CDH12: variants seen among roughly 807,000 people sequenced by gnomAD.
CDH12 encodes cadherin-12.
Under a neutral mutation model 74.1 loss-of-function variants are expected in CDH12, and 41 were observed. The ratio of observed to expected loss-of-function variants is 0.55; its 90% CI spans 0.43 to 0.72. The LOEUF (loss-of-function observed/expected upper bound fraction) is 0.72. Among genes scored for constraint, CDH12 ranks in the 30% least tolerant of loss-of-function variants. CDH12 has a pLI of 0.00. For missense variants in CDH12, 945 were observed against 977.2 expected (o/e 0.97, Z 0.44); for synonymous variants, 399 against 355.0 (o/e 1.12, Z -1.39).
chr5:22,445,088 A>T (rs1744771239), intron 2 of CDH12, among the ~76,000 whole-genome samples: 2 of 152,264 alleles, frequency 1.3e-5, no homozygotes, highest in South Asian at 4.1e-4. Flanking sequence ...TAAATTAGCT[A>T]TGGAAAGAGA....
At chr5:22,222,656 A>T (rs1038682983) in intron 3 of CDH12, among the ~76,000 whole-genome samples, 1 of 151,872 alleles carries the variant, frequency 6.6e-6, no homozygotes, top group African/African-American at 2.4e-5. Context: ...TTAATATTTC[A>T]TAATTTATAT....
intron 1 of CDH12, among the ~76,000 whole-genome samples, chr5:22,803,015 C>T (rs1293836032): frequency 6.6e-6 from 1 of 152,076 alleles, no homozygotes; most frequent in African/African-American, 2.4e-5. Context: ...CTCTAGGTTA[C>T]AAAGATGAAT....
intron 2 of CDH12, among the ~76,000 whole-genome samples, chr5:22,493,564 T>G (rs549583100): frequency 4.3e-4 from 22 of 50,780 alleles, no homozygotes; most frequent in East Asian, 3.3e-3. Context: ...GTTTTTTTGG[T>G]TTTTTTTGAA....
chr5:22,188,689 A>G lies in CDH12; in HGVS notation c.-187+23809T>C, dbSNP rs1750103207. 2.0e-5 allele frequency among the ~76,000 whole-genome samples: 3 copies of G among 152,182 alleles called. No individual in the cohort carries two copies. The South Asian group carries it at 6.2e-4, about 31-fold the overall frequency. ...TAGCATTTTAAAGGGCTTTGTGGCC[A>G]TTATACTCTCGCTTTGGAGCTAGGG... On this transcript the variant is annotated intron_variant, in intron 4 of 14. Coordinates refer to ENST00000382254, the MANE Select transcript of CDH12 (RefSeq NM_004061.5).
intron 1 of CDH12, among the ~76,000 whole-genome samples, chr5:22,790,307 G>A (rs948526370): frequency 1.3e-5 from 2 of 152,038 alleles, no homozygotes; most frequent in Admixed American, 1.3e-4. Context: ...ACTAATAATA[G>A]CATCAATGAG....
intron 4 of CDH12, among the ~76,000 whole-genome samples, chr5:22,132,284 A>T (rs1394766826): frequency 1.3e-5 from 2 of 151,960 alleles, no homozygotes; most frequent in African/African-American, 4.8e-5. Context: ...GGAAAAAAAT[A>T]AAATGTTCTG....
chr5:22,637,902 C>T (rs1206556353), intron 1 of CDH12, among the ~76,000 whole-genome samples: 1 of 152,142 alleles, frequency 6.6e-6, no homozygotes, highest in African/African-American at 2.4e-5. Context: ...GCTATTGTTG[C>T]TGTTTCTTTT....
chr5:22,012,694 A>G (rs1737371671), intron 5 of CDH12, among the ~76,000 whole-genome samples: 1 of 150,142 alleles, frequency 6.7e-6, no homozygotes, highest in African/African-American at 2.5e-5. Context: ...GAGAATTTGG[A>G]GCCTGAAAAC....
At chr5:22,342,599 C>G (rs1021386091) in intron 3 of CDH12, among the ~76,000 whole-genome samples, 6 of 121,718 alleles carry the variant, frequency 4.9e-5, no homozygotes, top group African/African-American at 1.8e-4. Context: ...TCCTTTCTCT[C>G]TTTCTTACTT....
At chr5:22,286,656 T>A (rs2150410530) in intron 3 of CDH12, among the ~76,000 whole-genome samples, 1 of 143,264 alleles carries the variant, frequency 7.0e-6, no homozygotes, top group Admixed American at 7.4e-5. Flanking sequence ...AGCAAATAAA[T>A]CACAGTTTCA....
intron 6 of CDH12, among the ~76,000 whole-genome samples, chr5:21,872,703 A>G (rs931750014): frequency 2.0e-5 from 3 of 152,122 alleles, no homozygotes; most frequent in African/African-American, 7.2e-5. Context: ...CCTGTGACTA[A>G]TTAGAGTTTA....
intron 14 of CDH12, 44 bp from the exon 15 acceptor site, chr5:21,752,280 A>G: frequency 6.6e-7 from 1 of 1,524,740 alleles, no homozygotes; most frequent in Non-Finnish European, 8.8e-7. Flanking sequence ...GAAAGCAGAT[A>G]GGTCATTTCA....
chr5:22,076,278 C>T (rs1480742968), intron 5 of CDH12, among the ~76,000 whole-genome samples: 2 of 152,074 alleles, frequency 1.3e-5, no homozygotes, highest in Admixed American at 6.6e-5. Flanking sequence ...TACACTGTTA[C>T]CGCAATTATA....
intron 1 of CDH12, among the ~76,000 whole-genome samples, chr5:22,781,002 T>C (rs1747359969): frequency 6.6e-6 from 1 of 152,150 alleles, no homozygotes; most frequent in South Asian, 2.1e-4. Flanking sequence ...CTATAAGTCC[T>C]CTCTCTTCAC....
At chr5:22,133,272 C>T (rs1746274947) in intron 4 of CDH12, among the ~76,000 whole-genome samples, 1 of 152,070 alleles carries the variant, frequency 6.6e-6, no homozygotes, top group Admixed American at 6.6e-5. Context: ...CATAGCATAC[C>T]TTTGATCATT....
intron 5 of CDH12, among the ~76,000 whole-genome samples, chr5:22,032,808 G>A (rs1470726565): frequency 2.0e-5 from 3 of 146,724 alleles, no homozygotes; most frequent in East Asian, 2.0e-4. Context: ...TATATAGTGT[G>A]TATATATACA....
At chr5:22,109,675 G>A (rs1744698976) in intron 4 of CDH12, among the ~76,000 whole-genome samples, 1 of 152,074 alleles carries the variant, frequency 6.6e-6, no homozygotes, top group Non-Finnish European at 1.5e-5. Flanking sequence ...TTTGATTTTT[G>A]TTTGTATCTG....
rs1738689610 is a variant in CDH12, at chr5:22,317,653, A to T, written c.-333+87604T>A. ...ATGACAAGTTCTATATACATATTTT[A>T]AAAAATACCTACTTTTACCTGCAAG... On this transcript the variant is annotated intron_variant, in intron 3 of 14. Transcript: ENST00000382254. 3.3e-5 allele frequency among the ~76,000 whole-genome samples: 5 copies of T among 152,192 alleles called. No homozygotes were observed. In the South Asian group the frequency reaches 8.3e-4, roughly 25 times the overall value.
intron 1 of CDH12, among the ~76,000 whole-genome samples, chr5:22,582,368 T>A (rs1227922075): frequency 2.6e-5 from 4 of 152,316 alleles, no homozygotes; most frequent in Non-Finnish European, 5.9e-5. Context: ...TATGTCAAAA[T>A]TAATTCATCC....
Sources: allele counts gnomAD v4.1 joint callset (sites outside exome capture counted in the v4.1 genomes callset), GRCh38; gene constraint gnomAD v4.1.1; transcripts MANE v1.5; gene names NCBI Gene and HGNC (gene_info 2026-07-23, HGNC 2026-07-21).